The following CORO7 variants were observed in gnomAD, a reference collection of about 807,000 sequenced individuals.
CORO7 encodes coronin 7.
A neutral mutation model predicts 126.6 loss-of-function variants in CORO7; 107 were observed. That is an observed-to-expected ratio of 0.85 (90% CI 0.72 to 0.99). The LOEUF (loss-of-function observed/expected upper bound fraction) is 0.99, where lower values mean the gene tolerates loss of function less well. CORO7 is among the 50% of genes least tolerant of loss of function. The pLI, the probability that CORO7 is intolerant of heterozygous loss-of-function variation, is 0.00. For synonymous variants in CORO7, 603 were observed against 536.8 expected (o/e 1.12, Z -1.70); for missense variants, 1,314 against 1,255.8 (o/e 1.05, Z -0.70).
rs1322057546 is a variant in CORO7 at position 4,413,349 on chromosome 16, T to C, written c.116A>G (p.Lys39Arg). ...GTAPSCRNHI[K>R]SSCSLIAFNS... is the part of the protein sequence containing the mutation. ...GAAGGCGATCAAGCTGCAGCTTGAT[T>C]TGATGTGGTTCCTGCATGAAGGGGC... Residue 39 changes from lysine to arginine, a missense_variant, in exon 2 of 28, where the codon AAA (lysine) becomes AGA (arginine). Transcript: ENST00000251166. 1 of 1,586,892 alleles carries C rather than the reference T, an allele frequency of 6.3e-7. No homozygotes were observed. The highest frequency in any genetic ancestry group is 8.6e-7 in the Non-Finnish European group (1 of 1,165,672).
chr16:4,365,577 G>T, intron 9 of CORO7, 32 bp from the exon 10 acceptor site: 1 of 1,561,676 alleles, frequency 6.4e-7, no homozygotes, highest in East Asian at 2.4e-5. Flanking sequence ...GGCGGGTCAG[G>T]GCAGTGGGAG....
Position 4,357,172 on chromosome 16 carries a change from T to A in CORO7, c.2681A>T (p.Glu894Val). The change falls in exon 26 of 28, where the codon GAG becomes GTG. Residue 894 changes from glutamate to valine, a missense_variant. Coordinates refer to ENST00000251166, the MANE Select transcript of CORO7 (RefSeq NM_024535.5). Reference sequence around the variant, plus strand: ...GCTGCTCTCTCCCATGCCTACCTCCTCCTTCTTTTGCTGGTCAGACTTTTC... The same window carrying A: ...GCTGCTCTCTCCCATGCCTACCTCCACCTTCTTTTGCTGGTCAGACTTTTC... ...LEEKSDQQKK[E>V]ELLNAMVAKL... is the part of the protein sequence containing the mutation. 2 of 1,613,756 alleles carry A rather than the reference T, an allele frequency of 1.2e-6. No individual in the cohort carries two copies. The highest frequency in any genetic ancestry group is 1.7e-6 in the Non-Finnish European group (2 of 1,179,976).
intron 9 of CORO7, among the ~76,000 whole-genome samples, chr16:4,375,419 C>A (rs1336617159): frequency 6.6e-6 from 1 of 152,252 alleles, no homozygotes; most frequent in African/African-American, 2.4e-5. Flanking sequence ...GTGTTCTGAA[C>A]CCTGGCTGTG....
chr16:4,409,057 C>T (rs1030835857), intron 3 of CORO7, among the ~76,000 whole-genome samples: 2 of 151,948 alleles, frequency 1.3e-5, no homozygotes, highest in African/African-American at 2.4e-5. Flanking sequence ...GAGGGAAATG[C>T]GGTGGGTGGT....
At chr16:4,361,118 G>A in intron 18 of CORO7, 33 bp from the exon 19 acceptor site, 2 of 1,613,292 alleles carry the variant, frequency 1.2e-6, no homozygotes, top group African/African-American at 2.7e-5. Flanking sequence ...AGGAGCCCTT[G>A]GGAGACACTG....
chr16:4,375,524 GTCA>G (rs1437625826), intron 9 of CORO7, among the ~76,000 whole-genome samples: 2 of 152,220 alleles, frequency 1.3e-5, no homozygotes, highest in Non-Finnish European at 2.9e-5. Context: ...GTATTGCTCT[GTCA>G]CCCAGGCTGG....
rs187735338 is a variant in CORO7, at chr16:4,355,130, G to A, written c.*28C>T. ...GTGTGCACTAGGAAGTGGCAGCACA[G>A]GTGAGGTGGAGGTGACGGGGGCGCA... On this transcript the variant is annotated 3_prime_UTR_variant, in exon 28 of 28. Transcript: ENST00000251166. 1,063 of 1,494,272 alleles carry A rather than the reference G, an allele frequency of 7.1e-4. 6 individuals are homozygous for A. The African/African-American group carries it at 0.01, about 15-fold the overall frequency. The allele number at this position is 1,494,272 out of a possible 1,614,324, so 92.6% of individuals were successfully genotyped here. A position where few individuals can be genotyped will look rare whatever the true frequency, so the allele number is the denominator to read the frequency against.
rs550507296 is a variant in CORO7, at chr16:4,380,321, C to T, written c.785+7665G>A. On this transcript the variant is annotated intron_variant, in intron 9 of 27. Coordinates refer to ENST00000251166, the MANE Select transcript of CORO7 (RefSeq NM_024535.5). The stretch of plus-strand genomic sequence containing the variant: ...CCCCCAGCCTAAGCAGGTCTGACTG[C>T]CCAAGTGGAAAAACATGGATCCCAT... Among the ~76,000 whole-genome samples, 536 of 152,340 alleles carry T rather than the reference C, an allele frequency of 3.5e-3. 3 individuals carry two copies. The highest frequency in any genetic ancestry group is 5.9e-3 in the Non-Finnish European group (404 of 68,024).
chr16:4,374,365 A>G (rs2054642976), intron 9 of CORO7, among the ~76,000 whole-genome samples: 1 of 151,730 alleles, frequency 6.6e-6, no homozygotes. Context: ...AGGAGGCTGG[A>G]GGAGGCTCCC....
At chr16:4,404,221 TTCCCAGGC>T (rs1165230190) in intron 6 of CORO7, among the ~76,000 whole-genome samples, 5 of 152,318 alleles carry the variant, frequency 3.3e-5, no homozygotes, top group Non-Finnish European at 7.4e-5. Flanking sequence ...TTCGGCTCCA[TTCCCAGGC>T]CTCTCAGCCA....
At chr16:4,380,927 TG>T in intron 9 of CORO7, 1 of 1,582,246 alleles carries the variant, frequency 6.3e-7, no homozygotes, top group Non-Finnish European at 8.6e-7. Context: ...CTACTGGCCC[TG>T]GGGCCTGGGG....
chr16:4,374,176 G>T (rs1177432650), intron 9 of CORO7, among the ~76,000 whole-genome samples: 1 of 150,300 alleles, frequency 6.7e-6, no homozygotes, highest in Non-Finnish European at 1.5e-5. Flanking sequence ...CTGGAGCAGG[G>T]CTGTGTATTT....
rs982289954 is a variant in CORO7 at position 4,396,798 on chromosome 16, C to A, written c.565-1459G>T. On this transcript the variant is annotated intron_variant, in intron 6 of 27. Coordinates refer to ENST00000251166, the MANE Select transcript of CORO7 (RefSeq NM_024535.5). The stretch of plus-strand genomic sequence containing the variant: ...TGCGAGGCTGAGGTGGGTGGATCAC[C>A]TGAGGTCAGGAGTTTGAGACTAGTC... Among the ~76,000 whole-genome samples the A allele has an allele frequency of 2.0e-5, 3 of 151,740 alleles. No homozygotes were observed. In the East Asian group the frequency reaches 5.8e-4, roughly 29 times the overall value.
Position 4,364,909 on chromosome 16 carries a change from C to A in CORO7, c.910G>T (p.Val304Phe). 1 of 1,610,376 alleles carries A rather than the reference C, an allele frequency of 6.2e-7. No individual in the cohort carries two copies. The highest frequency in any genetic ancestry group is 8.5e-7 in the Non-Finnish European group (1 of 1,178,906). The change falls in exon 12 of 28, where the codon GTC becomes TTC. Residue 304 changes from valine to phenylalanine, a missense_variant. By Grantham distance (50) the Val-to-Phe change is conservative. Coordinates refer to ENST00000251166, the MANE Select transcript of CORO7 (RefSeq NM_024535.5). ...QPALSPVTQCVLESVLRGAAL... is the reference protein window; with the variant it reads ...QPALSPVTQCFLESVLRGAAL... ...GCCCCACGCAGCACGCTCTCCAGGA[C>A]ACACTGGGTCACTGTTGAGGACACC...
chr16:4,371,334 CAGG>C (rs1567261152), intron 9 of CORO7, among the ~76,000 whole-genome samples: 1 of 152,156 alleles, frequency 6.6e-6, no homozygotes, highest in East Asian at 1.9e-4. Flanking sequence ...TGTGGGCTGC[CAGG>C]AGTTTTTTGA....
Position 4,387,998 on chromosome 16 carries a change from T to A in CORO7, c.773A>T (p.Asp258Val). Residue 258 changes from aspartate to valine, a missense_variant, in exon 9 of 28, where the codon GAC (aspartate) becomes GTC (valine). Physicochemically the swap from Asp to Val is radical, Grantham distance 152. Coordinates refer to ENST00000251166, the MANE Select transcript of CORO7 (RefSeq NM_024535.5). ...CCGCAGCTCCTACCCAAGCGAGGTG[T>A]CCAAGGTGAGGGAGGCCAGGGCGCT... ...FSSALASLTL[D>V]TSLGCLVPLL... is the part of the protein sequence containing the mutation. 1 of 1,613,058 alleles carries A rather than the reference T, an allele frequency of 6.2e-7. No homozygotes were observed. The highest frequency in any genetic ancestry group is 1.3e-5 in the African/African-American group (1 of 75,048).
intron 21 of CORO7, among the ~76,000 whole-genome samples, chr16:4,360,071 C>T (rs1367933504): frequency 6.7e-6 from 1 of 148,980 alleles, no homozygotes; most frequent in Non-Finnish European, 1.5e-5. Context: ...GCCCATCTAT[C>T]CCCACATTCA....
At chr16:4,401,976 T>C (rs1220077406) in intron 6 of CORO7, among the ~76,000 whole-genome samples, 1 of 151,716 alleles carries the variant, frequency 6.6e-6, no homozygotes, top group Non-Finnish European at 1.5e-5. Context: ...TCTTGCTCTG[T>C]CGCCCAGGCT....
At chr16:4,379,536 C>T (rs1167789549) in intron 9 of CORO7, among the ~76,000 whole-genome samples, 1 of 152,138 alleles carries the variant, frequency 6.6e-6, no homozygotes, top group Non-Finnish European at 1.5e-5. Flanking sequence ...GCTGGCACCG[C>T]AATGGCAGCG....
Sources: gnomAD v4.1 joint callset for allele counts (sites outside exome capture counted in the v4.1 genomes callset) on GRCh38, gnomAD v4.1.1 for gene constraint, MANE v1.5 for transcripts, NCBI Gene and HGNC (gene_info 2026-07-23, HGNC 2026-07-21) for gene names.